Variants in ARFIP1 observed in about 807,000 individuals in gnomAD.
ARFIP1 encodes the protein arfaptin-1.
Under a neutral mutation model 42.5 loss-of-function variants are expected in ARFIP1, and 24 were observed. The ratio of observed to expected loss-of-function variants is 0.57; its 90% confidence interval spans 0.41 to 0.80. The LOEUF is 0.80. ARFIP1 is among the 30% of genes least tolerant of loss of function. ARFIP1 has a pLI of 0.00. For synonymous variants in ARFIP1, 141 were observed against 153.7 expected, an observed-to-expected ratio of 0.92 and a Z score of 0.61; for missense variants, 354 against 434.0, an observed-to-expected ratio of 0.82 and a Z score of 1.64.
At chr4:152,868,586 T>C (rs911024644) in intron 3 of ARFIP1, among the ~76,000 whole-genome samples, 10 of 152,178 alleles carry the variant, frequency 6.6e-5, no homozygotes, top group Admixed American at 2.6e-4. Flanking sequence ...AATTTACATA[T>C]CATTTGTTAT....
chr4:152,822,319 AGAC>A (rs1336285841), intron 1 of ARFIP1, among the ~76,000 whole-genome samples: 30 of 137,400 alleles, frequency 2.2e-4, no homozygotes, highest in South Asian at 5.4e-4. Flanking sequence ...AAAAAAAAAA[AGAC>A]AAGGTCATTA....
intron 3 of ARFIP1, among the ~76,000 whole-genome samples, chr4:152,867,508 G>T (rs555325935): frequency 6.6e-6 from 1 of 152,214 alleles, no homozygotes; most frequent in African/African-American, 2.4e-5. Flanking sequence ...GAGGGAGACC[G>T]TGGGGAGAGG....
intron 8 of ARFIP1, among the ~76,000 whole-genome samples, chr4:152,905,564 T>TTTTTTTTTTTTTTTTTTG: frequency 7.7e-6 from 1 of 129,182 alleles, no homozygotes; most frequent in Non-Finnish European, 1.6e-5. Flanking sequence ...TTTTTTTTTT[T>TTTTTTTTTTTTTTTTTTG]TTTTTTGAGA....
intron 1 of ARFIP1, among the ~76,000 whole-genome samples, chr4:152,826,218 T>G (rs1730823027): frequency 6.6e-6 from 1 of 152,170 alleles, no homozygotes; most frequent in South Asian, 2.1e-4. Flanking sequence ...GGAATCAACC[T>G]CAGTGCCCAA....
At chr4:152,785,152 C>T (rs932755718) in intron 1 of ARFIP1, among the ~76,000 whole-genome samples, 1 of 151,988 alleles carries the variant, frequency 6.6e-6, no homozygotes, top group African/African-American at 2.4e-5. Flanking sequence ...TTCAGCACAT[C>T]TGTAATCCAT....
At chr4:152,829,595 T>TA (rs750927874) in intron 1 of ARFIP1, 30 bp from the exon 2 acceptor site, 2 of 1,487,188 alleles carry the variant, frequency 1.3e-6, no homozygotes, top group African/African-American at 1.4e-5. Context: ...TGGTATTAGT[T>TA]ACGGCGCTTT....
At position 152,910,292 on chromosome 4, in the gene ARFIP1, T is replaced by C; in HGVS notation, c.*73T>C. 4 of 1,512,980 alleles carry C rather than the reference T, an allele frequency of 2.6e-6. No individual in the cohort carries two copies. Among genetic ancestry groups the C allele is most frequent in the Non-Finnish European group, 3.6e-6 (4 of 1,117,490 alleles). 93.7% of individuals were successfully genotyped at this position (1,512,980 alleles called of 1,614,324 possible). A position where few individuals can be genotyped will look rare whatever the true frequency, so the allele number is the denominator to read the frequency against. On this transcript the variant is annotated 3_prime_UTR_variant, in exon 9 of 9. Coordinates refer to ENST00000353617, the MANE Select transcript of ARFIP1 (RefSeq NM_001025595.3). ...CCAACCTAACAAGAATTAAGCAGAG[T>C]TGGGGGAAGTGGGAGGGGTGACAAG...
intron 1 of ARFIP1, among the ~76,000 whole-genome samples, chr4:152,824,274 C>T (rs1351000379): frequency 6.6e-6 from 1 of 151,190 alleles, no homozygotes; most frequent in Non-Finnish European, 1.5e-5. Flanking sequence ...GATCATGCCA[C>T]TGCACTCCAG....
At chr4:152,799,396 TTCTGTGCCAA>T (rs1393944333) in intron 1 of ARFIP1, among the ~76,000 whole-genome samples, 1 of 152,228 alleles carries the variant, frequency 6.6e-6, no homozygotes, top group Non-Finnish European at 1.5e-5. Context: ...GTTACAGTGT[TTCTGTGCCAA>T]TCTGCCATCT....
chr4:152,834,455 T>TA (rs1302874011), intron 2 of ARFIP1, among the ~76,000 whole-genome samples: 1 of 152,226 alleles, frequency 6.6e-6, no homozygotes. Context: ...ACTCCCAAGA[T>TA]ACAATGGTAG....
intron 2 of ARFIP1, among the ~76,000 whole-genome samples, chr4:152,853,022 G>GC (rs1229264138): frequency 6.6e-6 from 1 of 152,184 alleles, no homozygotes; most frequent in Non-Finnish European, 1.5e-5. Flanking sequence ...AAGAACCCCA[G>GC]CAGACAGTAG....
At chr4:152,908,496 G>T (rs1738557322) in intron 8 of ARFIP1, among the ~76,000 whole-genome samples, 1 of 152,022 alleles carries the variant, frequency 6.6e-6, no homozygotes, top group African/African-American at 2.4e-5. Context: ...TGTAATCCCA[G>T]CTACTTGGGA....
chr4:152,880,429 C>T (rs1395783937), intron 5 of ARFIP1, among the ~76,000 whole-genome samples: 1 of 151,962 alleles, frequency 6.6e-6, no homozygotes, highest in Admixed American at 6.6e-5. Context: ...TATAATACCA[C>T]ACTGTGTGAG....
intron 3 of ARFIP1, among the ~76,000 whole-genome samples, chr4:152,867,334 A>G (rs542987612): frequency 2.6e-4 from 40 of 152,308 alleles, no homozygotes; most frequent in Admixed American, 1.2e-3. Flanking sequence ...TCTCCACCAA[A>G]AAAACACAAA....
intron 2 of ARFIP1, among the ~76,000 whole-genome samples, chr4:152,847,121 G>GTTTTTTTTTTTTTTTTTTTT (rs1561139273): frequency 1.5e-4 from 7 of 48,162 alleles, no homozygotes; most frequent in Admixed American, 2.4e-4. Context: ...TTTTAGGTTT[G>GTTTTTTTTTTTTTTTTTTTT]TTCTTTTTTT....
intron 1 of ARFIP1, among the ~76,000 whole-genome samples, chr4:152,824,970 C>CACAT (rs968940826): frequency 2.0e-5 from 3 of 151,494 alleles, no homozygotes; most frequent in Non-Finnish European, 4.4e-5. Context: ...ACGCACACCA[C>CACAT]ACATACATAC....
chr4:152,864,894 T>G (rs1163212537), intron 3 of ARFIP1, among the ~76,000 whole-genome samples: 1 of 151,610 alleles, frequency 6.6e-6, no homozygotes, highest in Admixed American at 6.6e-5. Flanking sequence ...ATGCTTTTAC[T>G]TGTGATAACT....
At chr4:152,879,013 T>A (rs1276785178) in intron 5 of ARFIP1, among the ~76,000 whole-genome samples, 1 of 139,040 alleles carries the variant, frequency 7.2e-6, no homozygotes, top group African/African-American at 2.8e-5. Context: ...ATGGTTTTCT[T>A]GTTAAAATCA....
At chr4:152,889,797 C>CTATACTATATACTATATATATACTATA (rs1376923242) in intron 8 of ARFIP1, among the ~76,000 whole-genome samples, 75 of 20,466 alleles carry the variant, frequency 3.7e-3, no homozygotes, top group African/African-American at 0.013. Context: ...ATATTATATA[C>CTATACTATATACTATATATATACTATA]TATACTATAT....
Sources: gnomAD v4.1 joint callset for allele counts (sites outside exome capture counted in the v4.1 genomes callset) on GRCh38, gnomAD v4.1.1 for gene constraint, MANE v1.5 for transcripts, NCBI Gene and HGNC (gene_info 2026-07-23, HGNC 2026-07-21) for gene names.